Variants in CPNE4 observed in about 807,000 individuals in gnomAD.
CPNE4 encodes copine-4.
CPNE4 carries 25 observed loss-of-function variants against 67.9 expected under a neutral mutation model. That is an observed-to-expected ratio of 0.37 (90% CI 0.27 to 0.51). The LOEUF (loss-of-function observed/expected upper bound fraction) is 0.51. Ranked by LOEUF, CPNE4 falls within the 20% of genes least tolerant of loss-of-function variation. The pLI is 0.93. For synonymous variants in CPNE4, 242 were observed against 244.9 expected (o/e 0.99, Z 0.11); for missense variants, 464 against 690.8 (o/e 0.67, Z 3.68).
Position 132,034,960 on chromosome 3 carries a change from C to T in CPNE4, c.-395G>A. ...GGAGGGTGGCAGAAAGAGAAGGGGACGAGCGGGTGGCGGGGAGATGGCAGC... is the reference window on the plus strand; with the variant it reads ...GGAGGGTGGCAGAAAGAGAAGGGGATGAGCGGGTGGCGGGGAGATGGCAGC... On this transcript the variant is annotated 5_prime_UTR_variant, in exon 1 of 16. Coordinates refer to ENST00000429747, the MANE Select transcript of CPNE4 (RefSeq NM_130808.3). 1 of 985,604 alleles carries T rather than the reference C, an allele frequency of 1.0e-6. No homozygotes were observed. The highest frequency in any genetic ancestry group is 1.2e-6 in the Non-Finnish European group (1 of 830,168). 61.1% of individuals were successfully genotyped at this position (985,604 alleles called of 1,614,324 possible). A position where few individuals can be genotyped will look rare whatever the true frequency, so the allele number is the denominator to read the frequency against.
At chr3:131,943,524 A>T (rs2071461004) in intron 1 of CPNE4, among the ~76,000 whole-genome samples, 1 of 152,056 alleles carries the variant, frequency 6.6e-6, no homozygotes, top group South Asian at 2.1e-4. Flanking sequence ...GCTATTACTT[A>T]TTGTTATTAT....
intron 5 of CPNE4, 135 bp from the exon 6 acceptor site, chr3:131,686,093 T>C: frequency 1.7e-6 from 1 of 600,886 alleles, no homozygotes; most frequent in Non-Finnish European, 3.0e-6. Context: ...GCCATGCTTG[T>C]CCTCTCTTCC....
intron 1 of CPNE4, among the ~76,000 whole-genome samples, chr3:132,010,942 C>G (rs933615192): frequency 6.6e-6 from 1 of 152,212 alleles, no homozygotes; most frequent in South Asian, 2.1e-4. Flanking sequence ...GAGCACCACA[C>G]AGCATGAAGA....
chr3:131,951,253 GTTA>G (rs2107886645), intron 1 of CPNE4, among the ~76,000 whole-genome samples: 1 of 152,216 alleles, frequency 6.6e-6, no homozygotes, highest in South Asian at 2.1e-4. Context: ...TAAAGATTGT[GTTA>G]TTATAATTTA....
chr3:131,814,451 G>A (rs1015309609), intron 2 of CPNE4, among the ~76,000 whole-genome samples: 4 of 151,816 alleles, frequency 2.6e-5, no homozygotes, highest in South Asian at 2.1e-4. Context: ...CAGGAAATGC[G>A]TTCCTACCGT....
At chr3:131,928,720 G>A (rs2070966476) in intron 1 of CPNE4, among the ~76,000 whole-genome samples, 1 of 152,210 alleles carries the variant, frequency 6.6e-6, no homozygotes, top group South Asian at 2.1e-4. Context: ...AGTGACCACT[G>A]TGCTGTCCAC....
At chr3:131,818,500 C>G (rs2084835093) in intron 2 of CPNE4, among the ~76,000 whole-genome samples, 3 of 152,102 alleles carry the variant, frequency 2.0e-5, no homozygotes, top group Admixed American at 2.0e-4. Flanking sequence ...TGTGTAGGTG[C>G]CCAGCATTAT....
chr3:131,555,995 G>A (rs1173031661), intron 11 of CPNE4, among the ~76,000 whole-genome samples: 2 of 152,064 alleles, frequency 1.3e-5, no homozygotes, highest in Non-Finnish European at 2.9e-5. Context: ...GAAATGCCTT[G>A]AGAGGTAAAG....
intron 2 of CPNE4, among the ~76,000 whole-genome samples, chr3:131,848,217 C>T (rs1171116097): frequency 6.6e-6 from 1 of 152,140 alleles, no homozygotes; most frequent in Non-Finnish European, 1.5e-5. Context: ...TTTATGGCTT[C>T]CTTCCTGGAG....
intron 13 of CPNE4, 98 bp downstream of exon 13, chr3:131,552,342 A>G: frequency 1.0e-6 from 1 of 1,001,196 alleles, no homozygotes; most frequent in Admixed American, 1.9e-5. Flanking sequence ...TCTGTGGACA[A>G]TCGTAACTAA....
chr3:131,776,946 G>A (rs533911024), intron 2 of CPNE4, among the ~76,000 whole-genome samples: 65 of 152,218 alleles, frequency 4.3e-4, no homozygotes, highest in African/African-American at 1.3e-3. Flanking sequence ...AATTCATTAC[G>A]TTATATATCA....
At chr3:131,705,463 G>A (rs1420988576) in intron 3 of CPNE4, among the ~76,000 whole-genome samples, 1 of 152,190 alleles carries the variant, frequency 6.6e-6, no homozygotes, top group East Asian at 1.9e-4. Context: ...ATTATCTTTG[G>A]AAGGGCTTTT....
At chr3:131,896,780 C>G (rs958001207) in intron 2 of CPNE4, among the ~76,000 whole-genome samples, 1 of 152,040 alleles carries the variant, frequency 6.6e-6, no homozygotes, top group Non-Finnish European at 1.5e-5. Context: ...GGATGCCTTA[C>G]CTTATTTCAC....
At chr3:131,824,560 G>A (rs2085082575) in intron 2 of CPNE4, among the ~76,000 whole-genome samples, 1 of 151,826 alleles carries the variant, frequency 6.6e-6, no homozygotes, top group East Asian at 1.9e-4. Flanking sequence ...GCGGTCTATT[G>A]GTCTTTTAAT....
intron 2 of CPNE4, among the ~76,000 whole-genome samples, chr3:131,776,546 T>C (rs2083294916): frequency 6.6e-6 from 1 of 152,114 alleles, no homozygotes; most frequent in Non-Finnish European, 1.5e-5. Flanking sequence ...GGGAACTTTA[T>C]TTCAGACAAA....
intron 15 of CPNE4, among the ~76,000 whole-genome samples, chr3:131,541,216 G>T (rs1349563109): frequency 6.6e-6 from 1 of 152,192 alleles, no homozygotes; most frequent in Admixed American, 6.5e-5. Flanking sequence ...CTCTAGAGGG[G>T]TCTTCAGGAC....
At chr3:131,997,696 A>G (rs760373192) in intron 1 of CPNE4, among the ~76,000 whole-genome samples, 1 of 152,112 alleles carries the variant, frequency 6.6e-6, no homozygotes, top group African/African-American at 2.4e-5. Flanking sequence ...GAACATTTTT[A>G]TAGGTATGGG....
chr3:131,940,665 T>A (rs373109077), intron 1 of CPNE4, among the ~76,000 whole-genome samples: 17 of 152,106 alleles, frequency 1.1e-4, no homozygotes, highest in Middle Eastern at 3.2e-3. Flanking sequence ...AGATTTGATT[T>A]TCTTATGAGG....
chr3:131,604,085 C>A (rs1939366897), intron 7 of CPNE4, among the ~76,000 whole-genome samples: 1 of 152,028 alleles, frequency 6.6e-6, no homozygotes, highest in Non-Finnish European at 1.5e-5. Flanking sequence ...TAATAGAGCC[C>A]CACACTTCCA....
Sources: allele counts gnomAD v4.1 joint callset (sites outside exome capture counted in the v4.1 genomes callset), GRCh38; gene constraint gnomAD v4.1.1; transcripts MANE v1.5; gene names NCBI Gene and HGNC (gene_info 2026-07-23, HGNC 2026-07-21).